The following ZNF609 variants were observed in gnomAD, a reference collection of about 807,000 sequenced individuals.
The protein encoded by ZNF609 is zinc finger protein 609.
Under a neutral mutation model 109.5 loss-of-function variants are expected in ZNF609, and 11 were observed. The ratio of observed to expected loss-of-function variants is 0.10; its 90% CI spans 0.06 to 0.17. The LOEUF (loss-of-function observed/expected upper bound fraction) is 0.17. Among genes scored for constraint, ZNF609 ranks in the 10% least tolerant of loss-of-function variants. The pLI is 1.00. For synonymous variants in ZNF609, 646 were observed against 662.0 expected, an observed-to-expected ratio of 0.98 and a Z score of 0.37; for missense variants, 1,559 against 1,772.4, an observed-to-expected ratio of 0.88 and a Z score of 2.16.
chr15:64,571,333 C>T (rs1473131671), intron 2 of ZNF609, among the ~76,000 whole-genome samples: 1 of 152,068 alleles, frequency 6.6e-6, no homozygotes, highest in African/African-American at 2.4e-5. Flanking sequence ...CATTTATTTA[C>T]TGTTTGCTAA....
At chr15:64,642,109 ATG>A (rs1896268863) in intron 3 of ZNF609, among the ~76,000 whole-genome samples, 4 of 152,218 alleles carry the variant, frequency 2.6e-5, no homozygotes, top group African/African-American at 9.6e-5. Context: ...TATTTATAGC[ATG>A]GCAAAAGCAT....
intron 4 of ZNF609, among the ~76,000 whole-genome samples, chr15:64,671,837 C>G (rs901035377): frequency 4.6e-5 from 7 of 152,072 alleles, no homozygotes; most frequent in Non-Finnish European, 1.0e-4. Flanking sequence ...CCTTCATCTG[C>G]CCATTGTTCC....
At chr15:64,537,622 CAA>C (rs1894176841) in intron 2 of ZNF609, among the ~76,000 whole-genome samples, 1 of 151,612 alleles carries the variant, frequency 6.6e-6, no homozygotes, top group Non-Finnish European at 1.5e-5. Flanking sequence ...CTAACACAGA[CAA>C]GTGATATAAA....
At chr15:64,556,985 A>G (rs1287535275) in intron 2 of ZNF609, among the ~76,000 whole-genome samples, 1 of 152,188 alleles carries the variant, frequency 6.6e-6, no homozygotes, top group Admixed American at 6.5e-5. Flanking sequence ...TTATATCCAA[A>G]ATGTAAGCTC....
At chr15:64,580,947 A>G (rs1461630092) in intron 2 of ZNF609, among the ~76,000 whole-genome samples, 2 of 132,784 alleles carry the variant, frequency 1.5e-5, no homozygotes, top group African/African-American at 2.9e-5. Context: ...TCTAGTCTTC[A>G]ATGTCTTCTT....
chr15:64,643,739 A>C (rs1438377984), intron 3 of ZNF609: 1 of 152,196 alleles, frequency 6.6e-6, no homozygotes, highest in Non-Finnish European at 1.5e-5. Flanking sequence ...AGCACTGGAC[A>C]TTAGGCTTAA....
At chr15:64,671,292 A>G (rs1366241212) in intron 4 of ZNF609, 1 of 152,062 alleles carries the variant, frequency 6.6e-6, no homozygotes, top group African/African-American at 2.4e-5. Flanking sequence ...ATATACTAAA[A>G]TTGGACCAAT....
At chr15:64,678,006 C>G (rs1896830927) in intron 5 of ZNF609, 110 bp from the exon 6 acceptor site, 5 of 1,406,416 alleles carry the variant, frequency 3.6e-6, no homozygotes, top group Non-Finnish European at 4.8e-6. Context: ...TACTCTGCCC[C>G]AGGTGTCTAG....
At chr15:64,615,715 G>A (rs542716389) in intron 2 of ZNF609, among the ~76,000 whole-genome samples, 20 of 152,004 alleles carry the variant, frequency 1.3e-4, no homozygotes, top group Non-Finnish European at 2.4e-4. Flanking sequence ...TTGAACTCGT[G>A]ACATCAGGTG....
chr15:64,657,259 CAAA>C (rs35250526), intron 3 of ZNF609, among the ~76,000 whole-genome samples: 1 of 118,872 alleles, frequency 8.4e-6, no homozygotes, highest in Admixed American at 8.9e-5. Flanking sequence ...GACTGTGTCT[CAAA>C]AAAAAAAAAA....
chr15:64,551,399 T>TA (rs1427046664), intron 2 of ZNF609, among the ~76,000 whole-genome samples: 13 of 152,280 alleles, frequency 8.5e-5, no homozygotes, highest in Non-Finnish European at 1.9e-4. Flanking sequence ...CTCACGCCTG[T>TA]AATCCCAGCA....
intron 6 of ZNF609, among the ~76,000 whole-genome samples, chr15:64,679,596 T>C (rs374365977): frequency 2.1e-4 from 32 of 152,304 alleles, no homozygotes; most frequent in African/African-American, 7.2e-4. Context: ...AAATAGGAAA[T>C]TTCTTACCCT....
In ZNF609 at chr15:64,577,222, TAC is replaced by T. The variant is rs1185565299; in HGVS notation, c.748-45599_748-45598del. ...ACAAATACATATATATGTATATATA[TAC>T]ACACAAATACATACATATATATGTA... On this transcript the variant is annotated intron_variant, in intron 2 of 9. Coordinates refer to ENST00000326648, the MANE Select transcript of ZNF609 (RefSeq NM_015042.2). 1.9e-4 allele frequency among the ~76,000 whole-genome samples: 10 copies of T among 52,146 alleles called. 1 individual carries two copies. The highest frequency in any genetic ancestry group is 3.8e-4 in the African/African-American group (10 of 26,074). The allele number at this position is 52,146 out of a possible 152,430, so 34.2% of individuals were successfully genotyped here.
At chr15:64,530,318 A>C (rs1036441173) in intron 2 of ZNF609, among the ~76,000 whole-genome samples, 2 of 152,154 alleles carry the variant, frequency 1.3e-5, no homozygotes, top group Non-Finnish European at 2.9e-5. Flanking sequence ...CCTGAATCCT[A>C]GCTCCTAATA....
At chr15:64,539,364 C>T (rs1481885161) in intron 2 of ZNF609, among the ~76,000 whole-genome samples, 1 of 151,412 alleles carries the variant, frequency 6.6e-6, no homozygotes, top group Non-Finnish European at 1.5e-5. Context: ...CCCGCCACCA[C>T]GCCCGGCTAA....
intron 1 of ZNF609, among the ~76,000 whole-genome samples, chr15:64,497,900 CA>C (rs11358629): frequency 0.87 from 127,733 of 146,730 alleles, 56,484 homozygotes; most frequent in East Asian, 0.95. Flanking sequence ...GGCTCTGACT[CA>C]AAAAAAAAAA....
intron 2 of ZNF609, among the ~76,000 whole-genome samples, chr15:64,512,908 G>A (rs28621654): frequency 5.9e-5 from 9 of 152,120 alleles, no homozygotes; most frequent in South Asian, 2.1e-4. Flanking sequence ...TGGGTTTGGC[G>A]TGCAGATTAT....
At chr15:64,541,552 A>G (rs141593121) in intron 2 of ZNF609, among the ~76,000 whole-genome samples, 13 of 151,824 alleles carry the variant, frequency 8.6e-5, no homozygotes, top group Non-Finnish European at 1.6e-4. Flanking sequence ...TTGTTTAAGT[A>G]GAATTCCGCC....
rs772108859 is a variant in ZNF609 at position 64,681,336 on chromosome 15, G to A, written c.4190G>A (p.Ser1397Asn). Residue 1397 changes from serine to asparagine, a missense_variant, in exon 9 of 10, where the codon AGC (serine) becomes AAC (asparagine). This residue lies in a region of ZNF609 where 1,204 missense variants were observed against 1,314.1 expected (regional missense o/e 0.92). Coordinates refer to ENST00000326648, the MANE Select transcript of ZNF609 (RefSeq NM_015042.2). ...CTTTCTTCTACAGCCATTGTTGCCA[G>A]CCAACAAGGCTCAACTCCCTCACTC... ...AGLSSTAIVASQQGSTPSLYP... is the reference protein window; with the variant it reads ...AGLSSTAIVANQQGSTPSLYP... 1 of 1,614,044 alleles carries A rather than the reference G, an allele frequency of 6.2e-7. No individual in the cohort carries two copies. Among genetic ancestry groups the A allele is most frequent in the Non-Finnish European group, 8.5e-7 (1 of 1,179,958 alleles).
Sources: gnomAD v4.1 joint callset for allele counts (sites outside exome capture counted in the v4.1 genomes callset) on GRCh38, gnomAD v4.1.1 for gene constraint, gnomAD v4.1.1 regional missense constraint, MANE v1.5 for transcripts, NCBI Gene and HGNC (gene_info 2026-07-23, HGNC 2026-07-21) for gene names.